The following DDX60 variants were observed in gnomAD, a reference collection of about 807,000 sequenced individuals.
DDX60 encodes the protein probable ATP-dependent RNA helicase DDX60.
In DDX60, 165 loss-of-function variants were observed where a neutral mutation model predicts 212.8. That is an observed-to-expected ratio of 0.78 (90% confidence interval 0.68 to 0.88). The LOEUF is 0.88. Among genes scored for constraint, DDX60 ranks in the 40% least tolerant of loss-of-function variants. The pLI, the probability that DDX60 is intolerant of heterozygous loss-of-function variation, is 0.00. For missense variants in DDX60, 1,905 were observed against 2,003.9 expected, an observed-to-expected ratio of 0.95 and a Z score of 0.94; for synonymous variants, 703 against 685.3, an observed-to-expected ratio of 1.03 and a Z score of -0.40.
intron 13 of DDX60, among the ~76,000 whole-genome samples, chr4:168,282,948 A>G (rs1735656670): frequency 6.6e-6 from 1 of 152,090 alleles, no homozygotes; most frequent in Non-Finnish European, 1.5e-5. Flanking sequence ...AGAAGGAAAA[A>G]GGTAAGTTTG....
chr4:168,252,712 T>A, intron 26 of DDX60, 56 bp from the exon 27 acceptor site: 3 of 1,438,130 alleles, frequency 2.1e-6, no homozygotes, highest in Non-Finnish European at 2.8e-6. Context: ...AATGAAGTAA[T>A]TAATTTGATT....
intron 36 of DDX60, among the ~76,000 whole-genome samples, chr4:168,221,013 A>C (rs1386019703): frequency 2.0e-5 from 3 of 152,166 alleles, no homozygotes; most frequent in Non-Finnish European, 4.4e-5. Flanking sequence ...GGAACTAGAG[A>C]CTCAAAAGGG....
Position 168,308,188 on chromosome 4 carries a change from T to C in DDX60, c.82A>G (p.Ser28Gly), listed in dbSNP as rs748602916. ...LNEMPKAEYS[S>G]LFNDFVESEF... The stretch of plus-strand genomic sequence containing the variant: ...GATTCAACAAAATCATTGAATAAAC[T>C]GGAATATCTAAAATGAAAAACAGTT... The change falls in exon 4 of 38, where the codon AGT becomes GGT. Residue 28 changes from serine (S) to glycine (G), a missense_variant. Ser to Gly is a moderately conservative substitution (Grantham distance 56). Transcript: ENST00000393743. 1.0e-5 allele frequency: 16 copies of C among 1,545,530 alleles called. No homozygotes were observed. In the East Asian group the frequency reaches 3.7e-4, roughly 35 times the overall value.
intron 1 of DDX60, among the ~76,000 whole-genome samples, chr4:168,314,936 T>C (rs1023747133): frequency 6.6e-6 from 1 of 152,148 alleles, no homozygotes; most frequent in African/African-American, 2.4e-5. Context: ...GCACAACTTG[T>C]TAAAATTGCA....
intron 36 of DDX60, 124 bp downstream of exon 36, chr4:168,221,606 G>T: frequency 2.0e-6 from 2 of 1,014,928 alleles, no homozygotes; most frequent in Non-Finnish European, 2.8e-6. Context: ...AATCTAGTAT[G>T]TTTAGTATGA....
At chr4:168,281,984 T>C (rs1735613446) in intron 13 of DDX60, among the ~76,000 whole-genome samples, 1 of 152,138 alleles carries the variant, frequency 6.6e-6, no homozygotes. Flanking sequence ...TTCTGCAAAT[T>C]TACCATTTCA....
intron 12 of DDX60, 69 bp from the exon 13 acceptor site, chr4:168,283,675 T>C: frequency 1.7e-6 from 2 of 1,165,042 alleles, no homozygotes; most frequent in Non-Finnish European, 2.4e-6. Context: ...CAATTCTTCA[T>C]ATTATTCCAC....
At chr4:168,310,804 G>GAA (rs1431242415) in intron 3 of DDX60, among the ~76,000 whole-genome samples, 194 bp downstream of exon 3, 1 of 151,988 alleles carries the variant, frequency 6.6e-6, no homozygotes, top group Admixed American at 6.6e-5. Flanking sequence ...CATGAATTTA[G>GAA]AAAAAATATA....
chr4:168,324,368 C>T, the DDX60 span, among the ~76,000 whole-genome samples: 1 of 152,126 alleles, frequency 6.6e-6, no homozygotes, highest in Non-Finnish European at 1.5e-5. Context: ...ATGGCCATCA[C>T]AGGTGGTTCA....
At chr4:168,263,334 G>T (rs181150733) in intron 22 of DDX60, among the ~76,000 whole-genome samples, 1 of 152,182 alleles carries the variant, frequency 6.6e-6, no homozygotes, top group Admixed American at 6.5e-5. Flanking sequence ...TCTTAATAAT[G>T]TATGCCATTC....
upstream of DDX60, among the ~76,000 whole-genome samples, chr4:168,322,697 A>AG: frequency 6.6e-6 from 1 of 152,306 alleles, no homozygotes; most frequent in Admixed American, 6.5e-5. Context: ...TTCCCACCCT[A>AG]GGGGAAAGGG....
intron 3 of DDX60, 41 bp downstream of exon 3, chr4:168,310,957 G>T: frequency 8.4e-7 from 1 of 1,196,878 alleles, no homozygotes; most frequent in South Asian, 1.3e-5. Flanking sequence ...CAGGGAACAT[G>T]AGCTATGATT....
chr4:168,298,077 T>C (rs975777031), intron 6 of DDX60, among the ~76,000 whole-genome samples: 1 of 151,900 alleles, frequency 6.6e-6, no homozygotes, highest in Non-Finnish European at 1.5e-5. Context: ...AGAATTGAGA[T>C]TATTCTTTTT....
chr4:168,280,747 C>T (rs978181999), intron 13 of DDX60, among the ~76,000 whole-genome samples, 157 bp from the exon 14 acceptor site: 1 of 152,140 alleles, frequency 6.6e-6, no homozygotes, highest in African/African-American at 2.4e-5. Context: ...GGAAATTAAG[C>T]CTCTGTTAAT....
chr4:168,304,068 C>A (rs1736770657), intron 5 of DDX60, among the ~76,000 whole-genome samples: 1 of 152,214 alleles, frequency 6.6e-6, no homozygotes, highest in Non-Finnish European at 1.5e-5. Flanking sequence ...CTGCTACTGA[C>A]TTATGACTTA....
chr4:168,279,856 GA>G (rs1560852690), intron 14 of DDX60, among the ~76,000 whole-genome samples: 1 of 152,104 alleles, frequency 6.6e-6, no homozygotes, highest in African/African-American at 2.4e-5. Flanking sequence ...GATATTAAAA[GA>G]AAAAATATGG....
chr4:168,299,305 A>C (rs1736548934), intron 6 of DDX60, among the ~76,000 whole-genome samples: 1 of 152,014 alleles, frequency 6.6e-6, no homozygotes, highest in South Asian at 2.1e-4. Context: ...TTACAGCATA[A>C]TCTATGGGCT....
chr4:168,239,437 T>C (rs1036295040), intron 30 of DDX60, among the ~76,000 whole-genome samples: 2 of 152,040 alleles, frequency 1.3e-5, no homozygotes, highest in East Asian at 1.9e-4. Flanking sequence ...GATAGAAATA[T>C]AGATGATAGA....
intron 33 of DDX60, among the ~76,000 whole-genome samples, chr4:168,229,082 A>G (rs1279341544): frequency 6.6e-6 from 1 of 152,082 alleles, no homozygotes; most frequent in Non-Finnish European, 1.5e-5. Flanking sequence ...TCACACCATG[A>G]ACTTTTGCTC....
Sources: gnomAD v4.1 joint callset for allele counts (sites outside exome capture counted in the v4.1 genomes callset) on GRCh38, gnomAD v4.1.1 for gene constraint, MANE v1.5 for transcripts, NCBI Gene and HGNC (gene_info 2026-07-23, HGNC 2026-07-21) for gene names.